Variants in EFHB observed in about 807,000 individuals in gnomAD.
EFHB encodes the protein EF-hand domain-containing family member B.
EFHB carries 91 observed loss-of-function variants against 87.2 expected under a neutral mutation model. The observed-to-expected ratio is 1.04, with a 90% CI of 0.88 to 1.24. EFHB has a LOEUF of 1.24. Ranked by LOEUF, EFHB falls within the 50% of genes most tolerant of loss-of-function variation. The probability of loss-of-function intolerance (pLI) is 0.00; values close to 1 mark genes in which losing one functional copy is unlikely to be tolerated. For synonymous variants in EFHB, 325 were observed against 333.6 expected (o/e 0.97, Z 0.28); for missense variants, 1,084 against 998.8 (o/e 1.09, Z -1.15).
intron 6 of EFHB, 48 bp from the exon 7 acceptor site, chr3:19,899,563 T>G: frequency 7.0e-7 from 1 of 1,437,718 alleles, no homozygotes; most frequent in South Asian, 1.4e-5. Flanking sequence ...TAAAGTATTC[T>G]TGGCTGCCAA....
intron 1 of EFHB, chr3:19,940,574 A>G (rs1696133940): frequency 2.0e-6 from 1 of 496,892 alleles, no homozygotes; most frequent in African/African-American, 1.9e-5. Context: ...GAATTCTTTG[A>G]TGACACCTGT....
At chr3:19,890,486 C>G (rs1240233754) in intron 9 of EFHB, among the ~76,000 whole-genome samples, 2 of 152,120 alleles carry the variant, frequency 1.3e-5, no homozygotes, top group Non-Finnish European at 2.9e-5. Flanking sequence ...GGGGTTTGGG[C>G]ACAGTTTGCA....
chr3:19,891,710 A>C (rs762576704), intron 9 of EFHB, among the ~76,000 whole-genome samples: 13 of 152,190 alleles, frequency 8.5e-5, no homozygotes, highest in Non-Finnish European at 1.6e-4. Flanking sequence ...TACTGATTGA[A>C]CTATCTGGGT....
chr3:19,885,558 T>A (rs915108696), intron 10 of EFHB, among the ~76,000 whole-genome samples: 3 of 152,250 alleles, frequency 2.0e-5, no homozygotes, highest in Non-Finnish European at 2.9e-5. Flanking sequence ...CAGATCTGGT[T>A]ACTACATATA....
intron 6 of EFHB, among the ~76,000 whole-genome samples, chr3:19,902,914 C>T (rs996844573): frequency 2.6e-5 from 4 of 152,098 alleles, no homozygotes; most frequent in Admixed American, 2.0e-4. Context: ...CAGTGGCTCA[C>T]GCCTGTAATC....
At chr3:19,908,578 G>GAA (rs1694925824) in intron 5 of EFHB, among the ~76,000 whole-genome samples, 2 of 84,752 alleles carry the variant, frequency 2.4e-5, no homozygotes, top group Admixed American at 1.2e-4. Context: ...GAGAGAGAGA[G>GAA]AGAGAGAGAG....
At chr3:19,931,528 G>A (rs1054910755) in intron 1 of EFHB, among the ~76,000 whole-genome samples, 1 of 152,186 alleles carries the variant, frequency 6.6e-6, no homozygotes, top group Admixed American at 6.5e-5. Flanking sequence ...AAGAAGAAAA[G>A]AACATTCTGA....
intron 5 of EFHB, among the ~76,000 whole-genome samples, chr3:19,910,650 C>A (rs912527015): frequency 6.6e-6 from 1 of 152,140 alleles, no homozygotes; most frequent in African/African-American, 2.4e-5. Flanking sequence ...TTGGGTGAGA[C>A]CAAATGCTAC....
At chr3:19,927,549 C>G (rs879542668) in intron 1 of EFHB, among the ~76,000 whole-genome samples, 1 of 152,190 alleles carries the variant, frequency 6.6e-6, no homozygotes, top group Non-Finnish European at 1.5e-5. Flanking sequence ...AACTTCAAAC[C>G]ATAGGATGAG....
chr3:19,914,294 A>G (rs1407006908), intron 5 of EFHB, among the ~76,000 whole-genome samples: 2 of 152,192 alleles, frequency 1.3e-5, no homozygotes, highest in Admixed American at 6.5e-5. Context: ...AAATTTTTCA[A>G]ACGTGAATAA....
chr3:19,924,370 C>T (rs182265604), intron 1 of EFHB, among the ~76,000 whole-genome samples: 2,035 of 152,022 alleles, frequency 0.013, 44 homozygotes, highest in African/African-American at 0.046. Flanking sequence ...CATGCCACCA[C>T]GCCCGGCTAA....
chr3:19,908,138 T>C (rs1460769440), intron 5 of EFHB, among the ~76,000 whole-genome samples: 1 of 152,122 alleles, frequency 6.6e-6, no homozygotes, highest in Non-Finnish European at 1.5e-5. Context: ...TTCCAAAATA[T>C]TTCATAAGAC....
chr3:19,891,936 T>C (rs1694319999), intron 9 of EFHB, among the ~76,000 whole-genome samples: 1 of 152,204 alleles, frequency 6.6e-6, no homozygotes, highest in South Asian at 2.1e-4. Context: ...TCATTTGTCT[T>C]ACGGTGAGAG....
At chr3:19,944,548 T>C (rs1490673072) in intron 1 of EFHB, among the ~76,000 whole-genome samples, 2 of 152,218 alleles carry the variant, frequency 1.3e-5, no homozygotes, top group East Asian at 3.8e-4. Flanking sequence ...CTTTACTGTG[T>C]CATTTCAATT....
In EFHB at chr3:19,905,807, A is replaced by G. The variant is rs1575016400; in HGVS notation, c.1289-58T>C. 4.6e-6 allele frequency: 7 copies of G among 1,534,790 alleles called. No homozygotes were observed. The East Asian group carries it at 1.6e-4, about 35-fold the overall frequency. On this transcript the variant is annotated intron_variant, in intron 5 of 12. Coordinates refer to ENST00000295824, the MANE Select transcript of EFHB (RefSeq NM_144715.4). ...AGCAACACGAATAACCTTATCATGCAAGATGCACACTATGTTCTCATTGAC... is the reference window on the plus strand; with the variant it reads ...AGCAACACGAATAACCTTATCATGCGAGATGCACACTATGTTCTCATTGAC...
intron 5 of EFHB, among the ~76,000 whole-genome samples, chr3:19,911,594 C>G (rs1011315905): frequency 2.0e-5 from 3 of 151,460 alleles, no homozygotes; most frequent in Non-Finnish European, 4.4e-5. Flanking sequence ...CAAACAAAAA[C>G]AAAAAGAATC....
Position 19,884,554 on chromosome 3 carries a change from G to T in EFHB, c.1995C>A (p.Leu665=), listed in dbSNP as rs1366136655. 6.2e-7 allele frequency: 1 copy of T among 1,613,924 alleles called. No homozygotes were observed. Among genetic ancestry groups the T allele is most frequent in the Non-Finnish European group, 8.5e-7 (1 of 1,179,884 alleles). The part of the protein sequence containing the change: ...EANVEEPEQT[L]LIKPEDIVLK... ...AGACAATATCTTCTGGCTTTATGAG[G>T]AGAGTTTGTTCAGGTTCTTCAACAT... is the stretch of plus-strand genomic sequence containing the variant. The change falls in exon 11 of 13, where the codon CTC becomes CTA. Residue 665 remains leucine, a synonymous_variant. Coordinates refer to ENST00000295824, the MANE Select transcript of EFHB (RefSeq NM_144715.4).
chr3:19,919,872 A>T lies in EFHB; in HGVS notation c.957T>A (p.Pro319=), dbSNP rs1342968939. Residue 319 remains proline, a synonymous_variant, in exon 3 of 13, where the codon CCT becomes CCA. Coordinates refer to ENST00000295824, the MANE Select transcript of EFHB (RefSeq NM_144715.4). ...TAGATCTAATTCCATGTGTCAAATA[A>T]GGTGCAATCTGGGGATCATTTGCTC... ...YGRANDPQIA[P]YLTHGIRSKI... is the part of the protein sequence containing the mutation. The T allele has an allele frequency of 1.4e-5, 23 of 1,613,484 alleles. No homozygotes were observed. Among genetic ancestry groups the T allele is most frequent in the Non-Finnish European group, 1.8e-5 (21 of 1,179,632 alleles).
intron 1 of EFHB, chr3:19,940,713 G>T: frequency 2.9e-6 from 1 of 340,508 alleles, no homozygotes. Context: ...CTTGTGCACA[G>T]CAGAGACACT....
Sources: gnomAD v4.1 joint callset for allele counts (sites outside exome capture counted in the v4.1 genomes callset) on GRCh38, gnomAD v4.1.1 for gene constraint, MANE v1.5 for transcripts, NCBI Gene and HGNC (gene_info 2026-07-23, HGNC 2026-07-21) for gene names.